The following RABGAP1L variants were observed in gnomAD, a reference collection of about 807,000 sequenced individuals.
RABGAP1L encodes the protein RAB GTPase activating protein 1 like, also known as rab GTPase-activating protein 1-like.
RABGAP1L carries 63 observed loss-of-function variants against 137.7 expected under a neutral mutation model. The ratio of observed to expected loss-of-function variants is 0.46; its 90% CI spans 0.37 to 0.56. The LOEUF (loss-of-function observed/expected upper bound fraction) is 0.56. Among genes scored for constraint, RABGAP1L ranks in the 20% least tolerant of loss-of-function variants. The pLI, the probability that RABGAP1L is intolerant of heterozygous loss-of-function variation, is 0.00. For missense variants in RABGAP1L, 1,095 were observed against 1,244.0 expected, an observed-to-expected ratio of 0.88 and a Z score of 1.80; for synonymous variants, 431 against 433.7, an observed-to-expected ratio of 0.99 and a Z score of 0.08.
At chr1:174,178,489 C>A (rs2148276755) in intron 1 of RABGAP1L, among the ~76,000 whole-genome samples, 1 of 152,252 alleles carries the variant, frequency 6.6e-6, no homozygotes, top group South Asian at 2.1e-4. Flanking sequence ...TGGGTATATA[C>A]CCAAAGGATT....
intron 14 of RABGAP1L, among the ~76,000 whole-genome samples, chr1:174,655,409 T>C (rs1675889878): frequency 3.3e-5 from 5 of 152,226 alleles, no homozygotes; most frequent in Admixed American, 2.0e-4. Context: ...AATTTGGGCA[T>C]GTCTAATGTT....
At chr1:174,292,377 T>C (rs1372438674) in intron 10 of RABGAP1L, among the ~76,000 whole-genome samples, 1 of 148,500 alleles carries the variant, frequency 6.7e-6, no homozygotes, top group Non-Finnish European at 1.5e-5. Flanking sequence ...TTCCTAATAC[T>C]TTTGTATTTC....
chr1:174,829,190 A>G (rs2148907029), intron 19 of RABGAP1L, among the ~76,000 whole-genome samples: 1 of 147,996 alleles, frequency 6.8e-6, no homozygotes, highest in South Asian at 2.2e-4. Flanking sequence ...ATTTATTTAT[A>G]TTTATTGAGG....
At chr1:174,799,622 C>T (rs192446021) in intron 18 of RABGAP1L, among the ~76,000 whole-genome samples, 19 of 152,162 alleles carry the variant, frequency 1.2e-4, no homozygotes, top group African/African-American at 4.6e-4. Flanking sequence ...GGGGGAAGCG[C>T]ATCTGTCCAA....
At chr1:174,576,165 A>G (rs1250186045) in intron 13 of RABGAP1L, among the ~76,000 whole-genome samples, 1 of 152,220 alleles carries the variant, frequency 6.6e-6, no homozygotes. Flanking sequence ...ATCCATAGAA[A>G]CAGGATGTGA....
intron 17 of RABGAP1L, among the ~76,000 whole-genome samples, chr1:174,722,638 A>G (rs1468130673): frequency 6.6e-6 from 1 of 151,650 alleles, no homozygotes; most frequent in Non-Finnish European, 1.5e-5. Context: ...TTTAGTAGAG[A>G]TGGGGTTTCA....
chr1:174,433,793 T>A (rs1652920053), intron 13 of RABGAP1L, among the ~76,000 whole-genome samples: 1 of 152,230 alleles, frequency 6.6e-6, no homozygotes, highest in African/African-American at 2.4e-5. Flanking sequence ...TGTTTCTTTT[T>A]AAATATCATT....
At chr1:174,243,521 A>T (rs1410998374) in intron 5 of RABGAP1L, among the ~76,000 whole-genome samples, 5 of 152,176 alleles carry the variant, frequency 3.3e-5, no homozygotes, top group Non-Finnish European at 7.3e-5. Flanking sequence ...CTTTTTAAAA[A>T]AAATTTTAAA....
chr1:174,737,048 T>G (rs1424852216), intron 17 of RABGAP1L, among the ~76,000 whole-genome samples: 3 of 152,228 alleles, frequency 2.0e-5, no homozygotes, highest in Non-Finnish European at 4.4e-5. Context: ...CTTGGCTCCC[T>G]TTTAGTTATG....
intron 13 of RABGAP1L, among the ~76,000 whole-genome samples, chr1:174,427,181 T>A (rs1320135641): frequency 6.8e-6 from 1 of 146,508 alleles, no homozygotes; most frequent in East Asian, 2.0e-4. Flanking sequence ...TGTGTGTGTG[T>A]GTGAACATTG....
chr1:174,804,286 T>TTTTTTGTTTTC (rs1330032461), intron 18 of RABGAP1L, among the ~76,000 whole-genome samples: 2 of 151,260 alleles, frequency 1.3e-5, no homozygotes, highest in Non-Finnish European at 3.0e-5. Context: ...TTTTTGTTTT[T>TTTTTTGTTTTC]TTTTTTGAGA....
chr1:174,707,218 C>CTGTTCTGTTT (rs1553238073), intron 17 of RABGAP1L, among the ~76,000 whole-genome samples: 3 of 150,388 alleles, frequency 2.0e-5, no homozygotes, highest in Non-Finnish European at 4.4e-5. Flanking sequence ...AGGTTTTGTT[C>CTGTTCTGTTT]TGTTTTGTTT....
intron 15 of RABGAP1L, among the ~76,000 whole-genome samples, chr1:174,686,270 A>G (rs1678450784): frequency 6.6e-6 from 1 of 152,204 alleles, no homozygotes; most frequent in Non-Finnish European, 1.5e-5. Context: ...TAGTTCTATT[A>G]TGATTTTCAC....
intron 15 of RABGAP1L, among the ~76,000 whole-genome samples, chr1:174,685,829 G>A (rs1250787743): frequency 6.6e-6 from 1 of 152,180 alleles, no homozygotes; most frequent in Admixed American, 6.5e-5. Flanking sequence ...CTAAAGTGCT[G>A]GGATTGTAGG....
intron 15 of RABGAP1L, among the ~76,000 whole-genome samples, chr1:174,699,056 G>A (rs1025388279): frequency 6.6e-6 from 1 of 151,446 alleles, no homozygotes; most frequent in South Asian, 2.1e-4. Context: ...ATGCAGTGAC[G>A]TGATTTTGCT....
At position 174,605,918 on chromosome 1, in the gene RABGAP1L, T is replaced by A. The variant is rs147833898; in HGVS notation, c.1711-31457T>A. 3.2e-3 allele frequency among the ~76,000 whole-genome samples: 480 copies of A among 152,340 alleles called. 3 individuals are homozygous for A. The highest frequency in any genetic ancestry group is 9.8e-3 in the African/African-American group (407 of 41,572). On this transcript the variant is annotated intron_variant, in intron 13 of 25. Coordinates refer to ENST00000681986, the MANE Select transcript of RABGAP1L (RefSeq NM_001366446.1). ...CTCATAAACTTTTCATAAAGCATGA[T>A]TGATTTCACCATTCTTACACTCAGT...
chr1:174,512,344 G>T (rs1662426887), intron 13 of RABGAP1L, among the ~76,000 whole-genome samples: 1 of 152,112 alleles, frequency 6.6e-6, no homozygotes, highest in African/African-American at 2.4e-5. Flanking sequence ...CCCTACTCTA[G>T]TCACTGCCTT....
intron 13 of RABGAP1L, among the ~76,000 whole-genome samples, chr1:174,396,975 CAAA>C (rs35904728): frequency 1.1e-5 from 1 of 93,166 alleles, no homozygotes. Context: ...GCTGTCTCTA[CAAA>C]AAAAAAAAAA....
intron 19 of RABGAP1L, among the ~76,000 whole-genome samples, chr1:174,849,412 C>T (rs1239074738): frequency 3.3e-5 from 5 of 152,122 alleles, no homozygotes; most frequent in East Asian, 1.9e-4. Flanking sequence ...TAAAATAACA[C>T]GCTCTTTTAC....
Sources: gnomAD v4.1 joint callset for allele counts (sites outside exome capture counted in the v4.1 genomes callset) on GRCh38, gnomAD v4.1.1 for gene constraint, MANE v1.5 for transcripts, NCBI Gene and HGNC (gene_info 2026-07-23, HGNC 2026-07-21) for gene names.